Variants in PLXDC2 observed in about 807,000 individuals in gnomAD.
PLXDC2 encodes the protein plexin domain-containing protein 2.
PLXDC2 carries 40 observed loss-of-function variants against 68.9 expected under a neutral mutation model. The observed-to-expected ratio is 0.58, with a 90% CI of 0.45 to 0.76. PLXDC2 has a LOEUF of 0.76. Ranked by LOEUF, PLXDC2 falls within the 30% of genes least tolerant of loss-of-function variation. The pLI is 0.00. For missense variants in PLXDC2, 644 were observed against 661.9 expected, an observed-to-expected ratio of 0.97 and a Z score of 0.30; for synonymous variants, 243 against 234.2, an observed-to-expected ratio of 1.04 and a Z score of -0.34.
chr10:20,031,784 A>G (rs1835504583), intron 2 of PLXDC2, among the ~76,000 whole-genome samples: 1 of 151,028 alleles, frequency 6.6e-6, no homozygotes, highest in South Asian at 2.1e-4. Flanking sequence ...AGAATTGGAC[A>G]CAATACAGGA....
intron 1 of PLXDC2, among the ~76,000 whole-genome samples, chr10:19,934,087 G>C (rs1172096343): frequency 2.0e-5 from 3 of 152,104 alleles, no homozygotes; most frequent in Non-Finnish European, 4.4e-5. Context: ...GAAAAGAAGA[G>C]CTAGATAAAA....
At chr10:19,961,370 A>G (rs1174522661) in intron 1 of PLXDC2, among the ~76,000 whole-genome samples, 1 of 152,266 alleles carries the variant, frequency 6.6e-6, no homozygotes, top group East Asian at 1.9e-4. Flanking sequence ...CTCTAAGCAC[A>G]TCTGAGTATG....
intron 2 of PLXDC2, among the ~76,000 whole-genome samples, chr10:20,012,303 C>CTCTCTTT (rs1835129350): frequency 9.1e-5 from 6 of 65,590 alleles, no homozygotes; most frequent in African/African-American, 4.6e-4. Context: ...CTCTCTCTCT[C>CTCTCTTT]TTTTTTATTT....
Position 20,099,797 on chromosome 10 carries a change from A to G in PLXDC2, c.541+31558A>G, listed in dbSNP as rs139526879. 8.9e-4 allele frequency among the ~76,000 whole-genome samples: 135 copies of G among 152,222 alleles called. 2 individuals are homozygous for G. The East Asian group carries it at 0.019, about 22-fold the overall frequency. ...AGGGAGATTCTTTTAATTATGTTTA[A>G]TTGGTATCATATCATCTGTTTTACT... On this transcript the variant is annotated intron_variant, in intron 4 of 13. Coordinates refer to ENST00000377252, the MANE Select transcript of PLXDC2 (RefSeq NM_032812.9).
intron 1 of PLXDC2, among the ~76,000 whole-genome samples, chr10:19,835,490 G>C (rs1182288856): frequency 1.3e-5 from 2 of 152,216 alleles, no homozygotes; most frequent in Non-Finnish European, 2.9e-5. Context: ...GGACATACCA[G>C]TGAAGACAGC....
chr10:19,955,205 T>TC, intron 1 of PLXDC2, among the ~76,000 whole-genome samples: 1 of 151,426 alleles, frequency 6.6e-6, no homozygotes, highest in Admixed American at 6.6e-5. Context: ...TTTCAATTTT[T>TC]TTTTTTTTTT....
chr10:20,138,648 C>T (rs1245582395), intron 4 of PLXDC2, among the ~76,000 whole-genome samples: 1 of 152,198 alleles, frequency 6.6e-6, no homozygotes, highest in Non-Finnish European at 1.5e-5. Context: ...TGCAGTGGCT[C>T]ACACCTGTAA....
intron 7 of PLXDC2, among the ~76,000 whole-genome samples, chr10:20,171,968 G>A (rs937774264): frequency 6.6e-6 from 1 of 151,948 alleles, no homozygotes; most frequent in Non-Finnish European, 1.5e-5. Context: ...GAGAGGGTTT[G>A]GGGATGAGAA....
chr10:20,154,542 C>T (rs1193186818), intron 6 of PLXDC2, among the ~76,000 whole-genome samples: 4 of 143,446 alleles, frequency 2.8e-5, no homozygotes, highest in African/African-American at 5.3e-5. Context: ...CCAGCCTGGG[C>T]GACAGAAGGA....
chr10:19,929,070 C>T (rs1352674319), intron 1 of PLXDC2, among the ~76,000 whole-genome samples: 1 of 150,560 alleles, frequency 6.6e-6, no homozygotes, highest in Non-Finnish European at 1.5e-5. Flanking sequence ...GGCTTTTTAT[C>T]ATTCTAAAAA....
intron 1 of PLXDC2, among the ~76,000 whole-genome samples, chr10:19,938,335 C>A (rs537239930): frequency 1.3e-5 from 2 of 152,040 alleles, no homozygotes; most frequent in South Asian, 2.1e-4. Flanking sequence ...GTTATAAATA[C>A]CTAAGACTGG....
At chr10:19,912,105 G>C (rs985922117) in intron 1 of PLXDC2, among the ~76,000 whole-genome samples, 1 of 152,100 alleles carries the variant, frequency 6.6e-6, no homozygotes, top group Non-Finnish European at 1.5e-5. Flanking sequence ...GACTTTGGAC[G>C]AACAGCCCTG....
rs529844430 is a variant in PLXDC2 at position 20,037,992 on chromosome 10, C to T, written c.325-8877C>T. The stretch of plus-strand genomic sequence containing the variant: ...CTCTTCTGAAGTACATGCCTGTAAT[C>T]CCAGCACGCTGGGAGGCTGAGGCGG... On this transcript the variant is annotated intron_variant, in intron 2 of 13. Transcript: ENST00000377252. Among the ~76,000 whole-genome samples, 485 of 152,288 alleles carry T rather than the reference C, an allele frequency of 3.2e-3. 2 individuals are homozygous for T. The highest frequency in any genetic ancestry group is 4.1e-3 in the Non-Finnish European group (281 of 68,020).
At chr10:19,844,464 A>G (rs1382551642) in intron 1 of PLXDC2, among the ~76,000 whole-genome samples, 2 of 152,204 alleles carry the variant, frequency 1.3e-5, no homozygotes, top group African/African-American at 2.4e-5. Context: ...CCGGACACTC[A>G]CAAATAGAGG....
intron 1 of PLXDC2, among the ~76,000 whole-genome samples, chr10:19,818,709 C>T (rs893558258): frequency 5.9e-5 from 9 of 152,034 alleles, no homozygotes; most frequent in African/African-American, 1.9e-4. Context: ...TTGTTTATTT[C>T]TCTGATACGT....
intron 4 of PLXDC2, among the ~76,000 whole-genome samples, 157 bp downstream of exon 4, chr10:20,068,396 G>T (rs1448202472): frequency 1.3e-5 from 2 of 151,856 alleles, no homozygotes; most frequent in Non-Finnish European, 2.9e-5. Flanking sequence ...GAAAGGGTAT[G>T]GTTATTGGAA....
chr10:19,887,857 A>G (rs148355203), intron 1 of PLXDC2, among the ~76,000 whole-genome samples: 411 of 152,382 alleles, frequency 2.7e-3, no homozygotes, highest in Non-Finnish European at 4.6e-3. Flanking sequence ...AGAGCTTTTT[A>G]TAATTACATA....
intron 13 of PLXDC2, among the ~76,000 whole-genome samples, chr10:20,246,864 A>T (rs996827199): frequency 7.2e-5 from 11 of 152,172 alleles, no homozygotes; most frequent in Non-Finnish European, 1.3e-4. Context: ...AATGACTTTT[A>T]AACTATGGAG....
intron 1 of PLXDC2, among the ~76,000 whole-genome samples, chr10:19,866,675 T>C (rs1837423106): frequency 6.6e-6 from 1 of 152,192 alleles, no homozygotes; most frequent in African/African-American, 2.4e-5. Context: ...AGTGAACTAA[T>C]TATTGCATGG....
Sources: allele counts gnomAD v4.1 joint callset (sites outside exome capture counted in the v4.1 genomes callset), GRCh38; gene constraint gnomAD v4.1.1; transcripts MANE v1.5; gene names NCBI Gene and HGNC (gene_info 2026-07-23, HGNC 2026-07-21).